Variants in TMEM131 observed in about 807,000 individuals in gnomAD.
TMEM131 encodes 2610524E03Rik.
TMEM131 carries 66 observed loss-of-function variants against 211.6 expected under a neutral mutation model. The ratio of observed to expected loss-of-function variants is 0.31; its 90% CI spans 0.26 to 0.38. The LOEUF (loss-of-function observed/expected upper bound fraction) is 0.38. Among genes scored for constraint, TMEM131 ranks in the 10% least tolerant of loss-of-function variants. TMEM131 has a pLI of 1.00. For synonymous variants in TMEM131, 844 were observed against 841.3 expected, an observed-to-expected ratio of 1.00 and a Z score of -0.06; for missense variants, 2,036 against 2,299.3, an observed-to-expected ratio of 0.89 and a Z score of 2.34.
chr2:97,773,948 G>A lies in TMEM131; in HGVS notation c.4321-1524C>T, dbSNP rs1011541519. The stretch of plus-strand genomic sequence containing the variant: ...TACGGAAGCACTGGCAGGGACAGAT[G>A]GGGAAGGACGTACTCAGCAAAGGGG... On this transcript the variant is annotated intron_variant, in intron 32 of 40. Coordinates refer to ENST00000186436, the MANE Select transcript of TMEM131 (RefSeq NM_015348.2). Among the ~76,000 whole-genome samples the A allele has an allele frequency of 2.0e-5, 3 of 152,210 alleles. No individual in the cohort carries two copies. In the East Asian group the frequency reaches 5.8e-4, roughly 29 times the overall value.
At chr2:97,935,238 G>C (rs1300072894) in intron 1 of TMEM131, among the ~76,000 whole-genome samples, 1 of 152,132 alleles carries the variant, frequency 6.6e-6, no homozygotes, top group Non-Finnish European at 1.5e-5. Context: ...GGTAATGAAA[G>C]CCACAATATC....
intron 1 of TMEM131, among the ~76,000 whole-genome samples, chr2:97,967,268 T>C (rs1198971785): frequency 2.6e-5 from 4 of 152,192 alleles, no homozygotes; most frequent in East Asian, 3.8e-4. Context: ...TCTTACACTG[T>C]AATTGTTTAT....
chr2:97,915,484 C>T (rs1676473048), intron 2 of TMEM131, among the ~76,000 whole-genome samples: 1 of 151,958 alleles, frequency 6.6e-6, no homozygotes, highest in Non-Finnish European at 1.5e-5. Flanking sequence ...CACACCTGGA[C>T]AATTTTTTAT....
Position 97,802,750 on chromosome 2 carries a change from T to A in TMEM131, c.2443A>T (p.Asn815Tyr). 1.9e-6 allele frequency: 3 copies of A among 1,575,130 alleles called. No individual in the cohort carries two copies. Among genetic ancestry groups the A allele is most frequent in the East Asian group, 2.2e-5 (1 of 44,480 alleles). ...IFEVNTDLQK[N>Y]IISKITAELS... ...TCAGCAGTGATTTTTGATATTATAT[T>A]TTTTTGAAGGTCTGTATTTACTTCA... Residue 815 changes from asparagine to tyrosine, a missense_variant, in exon 23 of 41, where the codon AAT becomes TAT. Physicochemically the swap from Asn to Tyr is moderately radical, Grantham distance 143 (BLOSUM62 -2). Coordinates refer to ENST00000186436, the MANE Select transcript of TMEM131 (RefSeq NM_015348.2).
chr2:97,942,622 C>T (rs541384243), intron 1 of TMEM131, among the ~76,000 whole-genome samples: 1 of 151,964 alleles, frequency 6.6e-6, no homozygotes, highest in African/African-American at 2.4e-5. Flanking sequence ...ATTAGACAGC[C>T]TACATGAAAT....
chr2:97,927,886 G>A (rs758878946), intron 1 of TMEM131, among the ~76,000 whole-genome samples: 49 of 152,046 alleles, frequency 3.2e-4, no homozygotes, highest in African/African-American at 9.7e-4. Flanking sequence ...GCTGAAATTC[G>A]GTATCATCTG....
Position 97,756,880 on chromosome 2 carries a change from C to T in TMEM131, c.*219G>A. ...ATTAGAGTTTGTGGCTGAGTCCAGA[C>T]TTTTCTCTAAAAGCACAACAGCAAA... On this transcript the variant is annotated 3_prime_UTR_variant, in exon 41 of 41. Coordinates refer to ENST00000186436, the MANE Select transcript of TMEM131 (RefSeq NM_015348.2). 2.0e-6 allele frequency: 1 copy of T among 508,894 alleles called. No individual in the cohort carries two copies. The highest frequency in any genetic ancestry group is 3.3e-6 in the Non-Finnish European group (1 of 304,738). The allele number at this position is 508,894 out of a possible 1,614,324, so 31.5% of individuals were successfully genotyped here. A position where few individuals can be genotyped will look rare whatever the true frequency, so the allele number is the denominator to read the frequency against.
chr2:97,818,304 T>A (rs1681930656), intron 12 of TMEM131, among the ~76,000 whole-genome samples: 1 of 152,226 alleles, frequency 6.6e-6, no homozygotes, highest in African/African-American at 2.4e-5. Context: ...TGAATTATAA[T>A]ACATAATATG....
intron 1 of TMEM131, among the ~76,000 whole-genome samples, chr2:97,985,365 A>G (rs1318788306): frequency 6.6e-6 from 1 of 151,634 alleles, no homozygotes; most frequent in Non-Finnish European, 1.5e-5. Flanking sequence ...ACATATATAT[A>G]TATACACACA....
chr2:97,793,925 C>T (rs935514136), intron 29 of TMEM131, among the ~76,000 whole-genome samples: 10 of 120,294 alleles, frequency 8.3e-5, no homozygotes, highest in Non-Finnish European at 1.3e-4. Flanking sequence ...ACCCGGGAGG[C>T]GGAGCTTGCA....
chr2:97,819,968 G>A (rs1559379903), intron 11 of TMEM131, among the ~76,000 whole-genome samples: 1 of 152,218 alleles, frequency 6.6e-6, no homozygotes, highest in Non-Finnish European at 1.5e-5. Context: ...AATGATCCTC[G>A]TGCCTTGTGT....
chr2:97,928,063 C>G (rs1677063984), intron 1 of TMEM131, among the ~76,000 whole-genome samples: 1 of 152,148 alleles, frequency 6.6e-6, no homozygotes, highest in East Asian at 1.9e-4. Flanking sequence ...GATCGTGCTT[C>G]TGGTATTGAC....
Position 97,792,408 on chromosome 2 carries a change from T to C in TMEM131, c.4122A>G (p.Pro1374=). 5 of 1,584,782 alleles carry C rather than the reference T, an allele frequency of 3.2e-6. No individual in the cohort carries two copies. The highest frequency in any genetic ancestry group is 4.3e-6 in the Non-Finnish European group (5 of 1,164,160). The change falls in exon 31 of 41, where the codon CCA becomes CCG. Residue 1374 remains proline, a synonymous_variant. Transcript: ENST00000186436. The stretch of plus-strand genomic sequence containing the variant: ...TACCTTTGCTTTTTGGCAATGGCGA[T>C]GGAGGCTGCTCTGTAAACACTTCTA... ...PALEVFTEQP[P]SPLPKSKGKG...
intron 1 of TMEM131, among the ~76,000 whole-genome samples, chr2:97,984,091 T>C (rs1679921245): frequency 6.6e-6 from 1 of 152,154 alleles, no homozygotes; most frequent in African/African-American, 2.4e-5. Context: ...AGAAGAAAAG[T>C]AGGTTAACAT....
At chr2:97,975,811 GAA>G (rs11355341) in intron 1 of TMEM131, among the ~76,000 whole-genome samples, 58 of 132,260 alleles carry the variant, frequency 4.4e-4, no homozygotes, top group Non-Finnish European at 5.4e-4. Context: ...GGTATTACAA[GAA>G]AAAAAAAAAA....
rs1680588911 is a variant in TMEM131 at position 97,793,235 on chromosome 2, G to C, written c.3545+160C>G. 4 of 743,154 alleles carry C rather than the reference G, an allele frequency of 5.4e-6. No homozygotes were observed. The South Asian group carries it at 8.2e-5, about 15-fold the overall frequency. The allele number at this position is 743,154 out of a possible 1,614,324, so 46.0% of individuals were successfully genotyped here. On this transcript the variant is annotated intron_variant, in intron 30 of 40. Transcript: ENST00000186436. ...AATAAAAACACAGTATCCAGCATGA[G>C]CTCTAAGTCACTCAGAGTTCCATAC...
At chr2:97,839,447 A>AAACAAAT (rs1233840857) in intron 7 of TMEM131, among the ~76,000 whole-genome samples, 1 of 152,258 alleles carries the variant, frequency 6.6e-6, no homozygotes, top group African/African-American at 2.4e-5. Flanking sequence ...TCTAAATTAC[A>AAACAAAT]AAGTCAAACA....
At chr2:97,972,729 A>G (rs957298163) in intron 1 of TMEM131, among the ~76,000 whole-genome samples, 3 of 152,196 alleles carry the variant, frequency 2.0e-5, no homozygotes, top group African/African-American at 7.2e-5. Flanking sequence ...TGGGTTACCT[A>G]GGTGGGCCCA....
chr2:97,965,577 G>A (rs1414167383), intron 1 of TMEM131, among the ~76,000 whole-genome samples: 3 of 152,116 alleles, frequency 2.0e-5, no homozygotes, highest in African/African-American at 7.2e-5. Context: ...CAAGGGCCAC[G>A]CTGCTAAGCA....
Sources: gnomAD v4.1 joint callset for allele counts (sites outside exome capture counted in the v4.1 genomes callset) on GRCh38, gnomAD v4.1.1 for gene constraint, MANE v1.5 for transcripts, NCBI Gene and HGNC (gene_info 2026-07-23, HGNC 2026-07-21) for gene names.